Variants in KIF5B observed in about 807,000 individuals in gnomAD.
KIF5B encodes the protein kinesin family member 5B.
A neutral mutation model predicts 132.8 loss-of-function variants in KIF5B; 49 were observed. The ratio of observed to expected loss-of-function variants is 0.37; its 90% CI spans 0.29 to 0.47. The LOEUF (loss-of-function observed/expected upper bound fraction) is 0.47. KIF5B is among the 20% of genes least tolerant of loss of function. KIF5B has a pLI of 1.00. For synonymous variants in KIF5B, 355 were observed against 369.4 expected, an observed-to-expected ratio of 0.96 and a Z score of 0.45; for missense variants, 780 against 1,144.0, an observed-to-expected ratio of 0.68 and a Z score of 4.59.
chr10:32,055,161 A>C (rs1373004293), intron 1 of KIF5B, among the ~76,000 whole-genome samples: 1 of 152,174 alleles, frequency 6.6e-6, no homozygotes, highest in Non-Finnish European at 1.5e-5. Flanking sequence ...TGCTAGATTA[A>C]ACAAAACTGA....
chr10:32,048,465 T>C lies in KIF5B; in HGVS notation c.213A>G (p.Lys71=), dbSNP rs774478147. The C allele has an allele frequency of 1.9e-6, 3 of 1,603,026 alleles. No homozygotes were observed. The highest frequency in any genetic ancestry group is 2.6e-6 in the Non-Finnish European group (3 of 1,173,030). ...VYNDCAKKIV[K]DVLEGYNGTI... ...ACTCAGCAGGTTGAATATATTTACCTTTAACAATCTTCTTTGCACAGTCAT... is the reference window on the plus strand; with the variant it reads ...ACTCAGCAGGTTGAATATATTTACCCTTAACAATCTTCTTTGCACAGTCAT... The change falls in exon 2 of 26, where the codon AAA becomes AAG. Residue 71 remains lysine (K), a splice_region_variant and synonymous_variant. Coordinates refer to ENST00000302418, the MANE Select transcript of KIF5B (RefSeq NM_004521.3).
intron 14 of KIF5B, 57 bp from the exon 15 acceptor site, chr10:32,028,628 A>C: frequency 6.9e-7 from 1 of 1,440,136 alleles, no homozygotes; most frequent in Non-Finnish European, 9.6e-7. Flanking sequence ...AATTCAAATC[A>C]AATACTCATC....
intron 17 of KIF5B, among the ~76,000 whole-genome samples, 185 bp downstream of exon 17, chr10:32,021,953 CAG>C (rs910631262): frequency 2.0e-5 from 3 of 152,138 alleles, no homozygotes; most frequent in African/African-American, 7.2e-5. Flanking sequence ...GCCTGGGCAA[CAG>C]AGTGAAGACG....
chr10:32,012,352 G>C (rs899054666), intron 25 of KIF5B, among the ~76,000 whole-genome samples: 1 of 152,306 alleles, frequency 6.6e-6, no homozygotes, highest in East Asian at 1.9e-4. Context: ...GTGGGCGCCT[G>C]TAATCCCAGC....
chr10:32,027,956 A>T lies in KIF5B; in HGVS notation c.1725+472T>A, dbSNP rs550385687. Among the ~76,000 whole-genome samples, 12 of 151,708 alleles carry T rather than the reference A, an allele frequency of 7.9e-5. No homozygotes were observed. The East Asian group carries it at 2.3e-3, about 29-fold the overall frequency. ...TCATTTCACTTATGGAAATTTATTAACGTAATTTTTAAGCACGAATTTTTT... is the reference window on the plus strand; with the variant it reads ...TCATTTCACTTATGGAAATTTATTATCGTAATTTTTAAGCACGAATTTTTT... On this transcript the variant is annotated intron_variant, in intron 15 of 25. Transcript: ENST00000302418.
chr10:32,033,313 G>A (rs925700320), intron 12 of KIF5B, among the ~76,000 whole-genome samples: 16 of 152,210 alleles, frequency 1.1e-4, no homozygotes, highest in Non-Finnish European at 2.9e-5. Context: ...AGTACTGGAA[G>A]CCTGTTAGGA....
At chr10:32,017,940 C>A (rs759426031) in intron 23 of KIF5B, 112 bp downstream of exon 23, 63 of 530,576 alleles carry the variant, frequency 1.2e-4, no homozygotes, top group Non-Finnish European at 2.0e-4. Flanking sequence ...GATAAAATGG[C>A]TCAGGGTATA....
intron 19 of KIF5B, among the ~76,000 whole-genome samples, chr10:32,020,663 A>G (rs1841246808): frequency 6.6e-6 from 1 of 152,118 alleles, no homozygotes; most frequent in Non-Finnish European, 1.5e-5. Flanking sequence ...ACTTCTAGTG[A>G]TCCTCCCACC....
At chr10:32,012,757 T>G (rs765653710) in intron 25 of KIF5B, among the ~76,000 whole-genome samples, 1 of 152,192 alleles carries the variant, frequency 6.6e-6, no homozygotes, top group East Asian at 1.9e-4. Flanking sequence ...ATATGAATTT[T>G]AATGTGAGGA....
chr10:32,036,628 T>A (rs1013504370), intron 8 of KIF5B, among the ~76,000 whole-genome samples: 5 of 152,158 alleles, frequency 3.3e-5, no homozygotes, highest in Admixed American at 6.5e-5. Flanking sequence ...ATTAGCAATG[T>A]TGGCTGAAGA....
At chr10:32,025,770 T>C (rs1291379825) in intron 15 of KIF5B, among the ~76,000 whole-genome samples, 2 of 152,228 alleles carry the variant, frequency 1.3e-5, no homozygotes, top group African/African-American at 2.4e-5. Context: ...GGTACATTCA[T>C]ATCATGGAAT....
rs1841641732 is a variant in KIF5B at position 32,048,322 on chromosome 10, TTTTA to T, written c.214+138_214+141del. 5.2e-6 allele frequency: 3 copies of T among 580,888 alleles called. No homozygotes were observed. In the Admixed American group the frequency reaches 9.9e-5, roughly 19 times the overall value. The allele number at this position is 580,888 out of a possible 1,614,324, so 36.0% of individuals were successfully genotyped here. A position where few individuals can be genotyped will look rare whatever the true frequency, so the allele number is the denominator to read the frequency against. On this transcript the variant is annotated intron_variant, in intron 2 of 25. Transcript: ENST00000302418. ...AATATTTACTAATTGTGTTTGACCT[TTTTA>T]TTATTTAAACAACTTTCTTCTGCAA...
intron 14 of KIF5B, among the ~76,000 whole-genome samples, chr10:32,029,623 T>A (rs919822660): frequency 1.3e-5 from 2 of 152,114 alleles, no homozygotes; most frequent in East Asian, 1.9e-4. Flanking sequence ...TACCAGACAC[T>A]CTCTAACTGA....
At chr10:32,044,682 A>T (rs931622492) in intron 2 of KIF5B, among the ~76,000 whole-genome samples, 5 of 141,538 alleles carry the variant, frequency 3.5e-5, no homozygotes, top group Non-Finnish European at 6.1e-5. Flanking sequence ...GTCTCAATTT[A>T]AAAAAAAAAA....
chr10:32,023,055 A>G lies in KIF5B; in HGVS notation c.1726-19T>C, dbSNP rs766802293. ...CAGGCTGCTGTAAGGAAAAAGTAAA[A>G]TAAAAAATTAAAGCCAAAAATGTTC... On this transcript the variant is annotated intron_variant, in intron 15 of 25. Transcript: ENST00000302418. 4 of 1,480,502 alleles carry G rather than the reference A, an allele frequency of 2.7e-6. No homozygotes were observed. The highest frequency in any genetic ancestry group is 2.9e-5 in the South Asian group (2 of 69,536). The allele number at this position is 1,480,502 out of a possible 1,614,324, so 91.7% of individuals were successfully genotyped here.
rs116071994 is a variant in KIF5B at position 32,042,113 on chromosome 10, A to G, written c.215-1656T>C. Among the ~76,000 whole-genome samples the G allele has an allele frequency of 8.5e-3, 1,289 of 152,296 alleles. 26 individuals carry two copies. The highest frequency in any genetic ancestry group is 0.029 in the African/African-American group (1,212 of 41,550). On this transcript the variant is annotated intron_variant, in intron 2 of 25. Coordinates refer to ENST00000302418, the MANE Select transcript of KIF5B (RefSeq NM_004521.3). ...CTATTCTAGAGGAAGCCAAAACAAA[A>G]AGAGAAGCCTCTGTTGGAAACAGCA...
rs1841062825 is a variant in KIF5B, at chr10:32,010,497, T to C, written c.*1040A>G. On this transcript the variant is annotated 3_prime_UTR_variant, in exon 26 of 26. Coordinates refer to ENST00000302418, the MANE Select transcript of KIF5B (RefSeq NM_004521.3). ...GATTTCAGACCAAAATTGACCTATATATATTTTTAATTCATCATATATCTG... is the reference window on the plus strand; with the variant it reads ...GATTTCAGACCAAAATTGACCTATACATATTTTTAATTCATCATATATCTG... 1 of 152,206 alleles carries C rather than the reference T, an allele frequency of 6.6e-6. No individual in the cohort carries two copies. The highest frequency in any genetic ancestry group is 2.4e-5 in the African/African-American group (1 of 41,468). 9.4% of individuals were successfully genotyped at this position (152,206 alleles called of 1,614,324 possible). A position where few individuals can be genotyped will look rare whatever the true frequency, so the allele number is the denominator to read the frequency against.
At chr10:32,038,126 T>C (rs1380884958) in intron 6 of KIF5B, 37 bp downstream of exon 6, 6 of 1,265,684 alleles carry the variant, frequency 4.7e-6, no homozygotes, top group Non-Finnish European at 6.7e-6. Context: ...AAAAAAAAAG[T>C]ATTACAGGGT....
intron 25 of KIF5B, among the ~76,000 whole-genome samples, chr10:32,014,849 G>A (rs986780753): frequency 2.6e-5 from 4 of 152,212 alleles, no homozygotes; most frequent in East Asian, 1.9e-4. Context: ...CAGGTCGGGC[G>A]CGGTGGCTCA....
Sources: allele counts gnomAD v4.1 joint callset (sites outside exome capture counted in the v4.1 genomes callset), GRCh38; gene constraint gnomAD v4.1.1; transcripts MANE v1.5; gene names NCBI Gene and HGNC (gene_info 2026-07-23, HGNC 2026-07-21).